BFAR: variants seen among roughly 807,000 people sequenced by gnomAD.
BFAR encodes RING finger protein 47.
A neutral mutation model predicts 54.4 loss-of-function variants in BFAR; 52 were observed. The observed-to-expected ratio is 0.96, with a 90% CI of 0.77 to 1.21. The LOEUF (loss-of-function observed/expected upper bound fraction) is 1.21. Ranked by LOEUF, BFAR falls within the 50% of genes most tolerant of loss-of-function variation. BFAR has a pLI of 0.00. For synonymous variants in BFAR, 215 were observed against 204.3 expected (o/e 1.05, Z -0.45); for missense variants, 571 against 534.0 (o/e 1.07, Z -0.68).
intron 7 of BFAR, 103 bp downstream of exon 7, chr16:14,665,174 C>A: frequency 1.7e-6 from 2 of 1,159,160 alleles, no homozygotes; most frequent in Non-Finnish European, 2.5e-6. Context: ...ATCCTCCATC[C>A]ACCCAGACCC....
In BFAR at chr16:14,669,032, G is replaced by C. The variant is rs952237950; in HGVS notation, c.*1205G>C. ...AACTATGGCCTTTTATTTCCTTCCA[G>C]TGTGAACACAGCAGGTGTGAGATGT... On this transcript the variant is annotated 3_prime_UTR_variant, in exon 8 of 8. Coordinates refer to ENST00000261658, the MANE Select transcript of BFAR (RefSeq NM_016561.3). 2 of 453,980 alleles carry C rather than the reference G, an allele frequency of 4.4e-6. No homozygotes were observed. The highest frequency in any genetic ancestry group is 2.0e-5 in the African/African-American group (1 of 49,960). The allele number at this position is 453,980 out of a possible 1,614,324, so 28.1% of individuals were successfully genotyped here.
intron 1 of BFAR, among the ~76,000 whole-genome samples, chr16:14,640,361 G>A (rs1959583564): frequency 1.3e-5 from 2 of 152,188 alleles, no homozygotes; most frequent in African/African-American, 4.8e-5. Context: ...GGAGAGGAGT[G>A]TAGCAAGCTG....
Position 14,661,392 on chromosome 16 carries a change from C to CTTTTTTTTTT in BFAR, c.784-482_784-473dup, listed in dbSNP as rs774393097. 1.8e-4 allele frequency among the ~76,000 whole-genome samples: 12 copies of CTTTTTTTTTT among 65,100 alleles called. 2 individuals carry two copies. Among genetic ancestry groups the CTTTTTTTTTT allele is most frequent in the Admixed American group, 4.4e-4 (2 of 4,508 alleles). 42.7% of individuals were successfully genotyped at this position (65,100 alleles called of 152,430 possible). A position where few individuals can be genotyped will look rare whatever the true frequency, so the allele number is the denominator to read the frequency against. On this transcript the variant is annotated intron_variant, in intron 5 of 7. Transcript: ENST00000261658. ...CCCCAGCTAGAGCTAGAGATTGGAT[C>CTTTTTTTTTT]TTTTTTTTTTTTTTTTTTTTTTTTT...
chr16:14,641,039 A>T (rs1596967082), intron 1 of BFAR, among the ~76,000 whole-genome samples: 1 of 152,212 alleles, frequency 6.6e-6, no homozygotes, highest in African/African-American at 2.4e-5. Context: ...TATGGTTTTA[A>T]ACTTGTTTGT....
intron 1 of BFAR, among the ~76,000 whole-genome samples, chr16:14,640,388 T>C (rs1959584519): frequency 6.6e-6 from 1 of 152,118 alleles, no homozygotes; most frequent in South Asian, 2.1e-4. Flanking sequence ...GCACGGCTGC[T>C]GAGTTCCTCT....
chr16:14,648,425 C>T lies in BFAR; in HGVS notation c.301C>T (p.Leu101=), dbSNP rs779266054. 1 of 1,613,476 alleles carries T rather than the reference C, an allele frequency of 6.2e-7. No homozygotes were observed. Among genetic ancestry groups the T allele is most frequent in the South Asian group, 1.1e-5 (1 of 91,070 alleles). Residue 101 remains leucine (L), a synonymous_variant, in exon 3 of 8, where the codon CTG becomes TTG. Coordinates refer to ENST00000261658, the MANE Select transcript of BFAR (RefSeq NM_016561.3). ...IEKLFPDAIR[L]RFEDIQQNND... ...AAAGTTATTTCCTGATGCCATTAGA[C>T]TGAGATTTGAAGACATTCAGCAGAA...
At chr16:14,649,561 C>G (rs933050937) in intron 3 of BFAR, among the ~76,000 whole-genome samples, 1 of 152,132 alleles carries the variant, frequency 6.6e-6, no homozygotes, top group East Asian at 1.9e-4. Flanking sequence ...GAGATAAGTC[C>G]TTTTCTCGCC....
intron 5 of BFAR, among the ~76,000 whole-genome samples, chr16:14,657,222 T>G (rs1276247199): frequency 6.6e-6 from 1 of 152,072 alleles, no homozygotes; most frequent in Non-Finnish European, 1.5e-5. Context: ...TGTTATTTTT[T>G]GTGTTATTTG....
intron 4 of BFAR, among the ~76,000 whole-genome samples, chr16:14,651,175 C>T (rs976937736): frequency 2.0e-5 from 3 of 152,218 alleles, no homozygotes; most frequent in Non-Finnish European, 4.4e-5. Flanking sequence ...CTGCCCCTGA[C>T]TAATTCTAGT....
chr16:14,664,542 C>T (rs1230615262), intron 6 of BFAR, among the ~76,000 whole-genome samples: 1 of 152,016 alleles, frequency 6.6e-6, no homozygotes, highest in African/African-American at 2.4e-5. Flanking sequence ...CTCTATCACC[C>T]AGGGTGAAGT....
chr16:14,662,875 G>T (rs922699994), intron 6 of BFAR, among the ~76,000 whole-genome samples: 1 of 152,126 alleles, frequency 6.6e-6, no homozygotes, highest in African/African-American at 2.4e-5. Flanking sequence ...CGAGCTCCCC[G>T]AGTGAGCAAT....
chr16:14,656,681 A>G (rs865804265), intron 5 of BFAR, among the ~76,000 whole-genome samples: 1 of 152,154 alleles, frequency 6.6e-6, no homozygotes, highest in Non-Finnish European at 1.5e-5. Flanking sequence ...TATTCACGGC[A>G]GCATTGTTGG....
chr16:14,644,843 A>T (rs969429428), intron 2 of BFAR, among the ~76,000 whole-genome samples: 1 of 152,092 alleles, frequency 6.6e-6, no homozygotes, highest in Non-Finnish European at 1.5e-5. Flanking sequence ...CAGTGTTTGA[A>T]AGGTCGCACA....
At chr16:14,667,531 G>A (rs1960474568) in intron 7 of BFAR, 104 bp from the exon 8 acceptor site, 1 of 1,075,118 alleles carries the variant, frequency 9.3e-7, no homozygotes, top group Non-Finnish European at 1.4e-6. Flanking sequence ...ATTCAGCACG[G>A]GCAGCCATGC....
At position 14,652,455 on chromosome 16, in the gene BFAR, A is replaced by G. The variant is rs1446473818; in HGVS notation, c.638+2482A>G. Among the ~76,000 whole-genome samples the G allele has an allele frequency of 2.0e-5, 3 of 150,856 alleles. No individual in the cohort carries two copies. In the East Asian group the frequency reaches 5.9e-4, roughly 30 times the overall value. On this transcript the variant is annotated intron_variant, in intron 4 of 7. Transcript: ENST00000261658. ...GCCATCATGCGTGGCTAATTTTTGT[A>G]TTTTTAGTAGAGATGGGGTTTCGCC... is the stretch of plus-strand genomic sequence containing the variant.
chr16:14,660,666 C>T (rs1275811282), intron 5 of BFAR, among the ~76,000 whole-genome samples: 2 of 142,664 alleles, frequency 1.4e-5, no homozygotes, highest in Non-Finnish European at 1.5e-5. Flanking sequence ...TTTGGGAGAC[C>T]GAGGCAGGTG....
At position 14,661,935 on chromosome 16, in the gene BFAR, A is replaced by G. The variant is rs1445871258; in HGVS notation, c.827A>G (p.Lys276Arg). The change falls in exon 6 of 8, where the codon AAG (lysine) becomes AGG (arginine). Residue 276 changes from lysine (K) to arginine (R), a missense_variant. Coordinates refer to ENST00000261658, the MANE Select transcript of BFAR (RefSeq NM_016561.3). ...TCCCTGTTCCTGCTATACGCCCTCA[A>G]GAGCTCCCCCAGGCTGAGTCTGCTC... is the stretch of plus-strand genomic sequence containing the variant. ...GRSLFLLYALKSSPRLSLLYL... is the reference protein window; with the variant it reads ...GRSLFLLYALRSSPRLSLLYL... 4 of 1,614,030 alleles carry G rather than the reference A, an allele frequency of 2.5e-6. No individual in the cohort carries two copies. The highest frequency in any genetic ancestry group is 4.5e-5 in the East Asian group (2 of 44,886).
At chr16:14,633,962 CTT>C (rs752679013) in intron 1 of BFAR, among the ~76,000 whole-genome samples, 1 of 152,078 alleles carries the variant, frequency 6.6e-6, no homozygotes, top group Non-Finnish European at 1.5e-5. Context: ...CGAGAATTGT[CTT>C]TTATTAAAAA....
At chr16:14,643,134 G>A (rs1959676713) in intron 1 of BFAR, among the ~76,000 whole-genome samples, 1 of 152,108 alleles carries the variant, frequency 6.6e-6, no homozygotes, top group Non-Finnish European at 1.5e-5. Flanking sequence ...CCAACATGGC[G>A]AAAACCCGTC....
Sources: allele counts gnomAD v4.1 joint callset (sites outside exome capture counted in the v4.1 genomes callset), GRCh38; gene constraint gnomAD v4.1.1; transcripts MANE v1.5; gene names NCBI Gene and HGNC (gene_info 2026-07-23, HGNC 2026-07-21).